EYS: variants seen among roughly 807,000 people sequenced by gnomAD.
The protein encoded by EYS is protein eyes shut homolog.
In EYS, 250 loss-of-function variants were observed where a neutral mutation model predicts 282.1. The observed-to-expected ratio is 0.89, with a 90% CI of 0.80 to 0.98. EYS has a LOEUF of 0.98. EYS is among the 50% of genes least tolerant of loss of function. The pLI, the probability that EYS is intolerant of heterozygous loss-of-function variation, is 0.00. For missense variants in EYS, 4,016 were observed against 3,709.0 expected (o/e 1.08, Z -2.15); for synonymous variants, 1,355 against 1,282.9 (o/e 1.06, Z -1.20).
rs1170521985 is a variant in EYS, at chr6:65,311,175, G to A, written c.1767-15056C>T. 2.6e-5 allele frequency among the ~76,000 whole-genome samples: 4 copies of A among 152,278 alleles called. No individual in the cohort carries two copies. In the East Asian group the frequency reaches 7.7e-4, roughly 29 times the overall value. ...ATATCTATAAATACTTAAAAAGTATGAAGTACTACAATATTAATATTCTTA... is the reference window on the plus strand; with the variant it reads ...ATATCTATAAATACTTAAAAAGTATAAAGTACTACAATATTAATATTCTTA... On this transcript the variant is annotated intron_variant, in intron 11 of 42. Coordinates refer to ENST00000503581, the MANE Select transcript of EYS (RefSeq NM_001142800.2).
chr6:64,375,699 G>A (rs1433362842), intron 29 of EYS, among the ~76,000 whole-genome samples: 1 of 152,160 alleles, frequency 6.6e-6, no homozygotes. Context: ...AGAATGAGGA[G>A]TAAAGAAGAG....
At chr6:64,030,470 TGCCGAG>T (rs1769768357) in intron 33 of EYS, among the ~76,000 whole-genome samples, 1 of 152,184 alleles carries the variant, frequency 6.6e-6, no homozygotes, top group Admixed American at 6.5e-5. Flanking sequence ...TCTCCAAAAC[TGCCGAG>T]GACTAGACCT....
chr6:65,126,952 A>C (rs1348320902), intron 12 of EYS, among the ~76,000 whole-genome samples: 1 of 152,086 alleles, frequency 6.6e-6, no homozygotes, highest in Non-Finnish European at 1.5e-5. Flanking sequence ...AAGAGTGTGA[A>C]TTGTGATCCA....
At position 64,705,701 on chromosome 6, in the gene EYS, G is replaced by A. The variant is rs565896398; in HGVS notation, c.3444-79456C>T. Among the ~76,000 whole-genome samples, 50 of 151,070 alleles carry A rather than the reference G, an allele frequency of 3.3e-4. 1 individual carries two copies. In the South Asian group the frequency reaches 4.4e-3, roughly 13 times the overall value. ...AGGGACATGGATGAAATTGGAAATC[G>A]TCATTCTCAGTAAACTATCGCAAGA... On this transcript the variant is annotated intron_variant, in intron 22 of 42. Transcript: ENST00000503581.
At chr6:65,561,853 AGTT>A (rs1424815433) in intron 2 of EYS, among the ~76,000 whole-genome samples, 1 of 151,798 alleles carries the variant, frequency 6.6e-6, no homozygotes, top group Non-Finnish European at 1.5e-5. Context: ...AATATTATTT[AGTT>A]AATATTAATA....
chr6:64,624,569 C>A (rs1767544021), intron 23 of EYS, among the ~76,000 whole-genome samples: 1 of 152,078 alleles, frequency 6.6e-6, no homozygotes, highest in Admixed American at 6.6e-5. Context: ...GTACGGCTGG[C>A]TATTTCAAAA....
chr6:64,096,068 T>C (rs569539306), intron 31 of EYS, among the ~76,000 whole-genome samples: 1 of 152,356 alleles, frequency 6.6e-6, no homozygotes, highest in South Asian at 2.1e-4. Flanking sequence ...TTAAGAATGT[T>C]GAATATTGGC....
At chr6:63,792,764 G>A (rs1582212373) in intron 37 of EYS, among the ~76,000 whole-genome samples, 1 of 151,914 alleles carries the variant, frequency 6.6e-6, no homozygotes, top group Admixed American at 6.6e-5. Context: ...GCCAAGGCAT[G>A]AAACTTGTGC....
intron 30 of EYS, among the ~76,000 whole-genome samples, chr6:64,283,078 A>G (rs1160398415): frequency 6.6e-6 from 1 of 152,166 alleles, no homozygotes; most frequent in Non-Finnish European, 1.5e-5. Flanking sequence ...TACATCTTCC[A>G]TGTCCACTTC....
At chr6:64,142,979 T>A (rs1022353024) in intron 31 of EYS, among the ~76,000 whole-genome samples, 13 of 152,146 alleles carry the variant, frequency 8.5e-5, no homozygotes, top group African/African-American at 2.7e-4. Context: ...ATCCAAACAA[T>A]GAATATTATT....
intron 2 of EYS, among the ~76,000 whole-genome samples, chr6:65,580,992 T>G (rs1050078629): frequency 6.6e-6 from 1 of 152,140 alleles, no homozygotes; most frequent in Admixed American, 6.5e-5. Flanking sequence ...TTTTAATCTA[T>G]TCAATTGCAA....
chr6:64,079,168 C>G (rs1771872725), intron 32 of EYS, among the ~76,000 whole-genome samples: 1 of 152,012 alleles, frequency 6.6e-6, no homozygotes, highest in South Asian at 2.1e-4. Flanking sequence ...TCTACCAGCA[C>G]TTAGATTTTG....
At chr6:64,330,726 C>T (rs796164378) in intron 29 of EYS, among the ~76,000 whole-genome samples, 2 of 152,264 alleles carry the variant, frequency 1.3e-5, no homozygotes, top group African/African-American at 4.8e-5. Context: ...TTGCGTGCCC[C>T]ACATGGTCAT....
chr6:65,539,740 T>G (rs547114392), intron 2 of EYS, among the ~76,000 whole-genome samples: 15 of 152,194 alleles, frequency 9.9e-5, no homozygotes, highest in Non-Finnish European at 1.6e-4. Context: ...CTTTAAAAAA[T>G]TTAGATGAAA....
At chr6:64,127,330 A>G (rs1773818842) in intron 31 of EYS, among the ~76,000 whole-genome samples, 1 of 152,182 alleles carries the variant, frequency 6.6e-6, no homozygotes, top group African/African-American at 2.4e-5. Context: ...AGTAACTGCT[A>G]TACAATAGCT....
chr6:65,106,950 C>A (rs1255623892), intron 12 of EYS, among the ~76,000 whole-genome samples: 1 of 151,980 alleles, frequency 6.6e-6, no homozygotes. Flanking sequence ...TATTATTTAT[C>A]CTCACAGCAA....
chr6:63,836,013 G>T (rs968793672), intron 36 of EYS, among the ~76,000 whole-genome samples: 1 of 151,982 alleles, frequency 6.6e-6, no homozygotes, highest in African/African-American at 2.4e-5. Context: ...TTATTGGGCT[G>T]TTATGAATAA....
At chr6:64,762,309 A>T (rs1773184913) in intron 22 of EYS, among the ~76,000 whole-genome samples, 1 of 152,240 alleles carries the variant, frequency 6.6e-6, no homozygotes, top group Non-Finnish European at 1.5e-5. Flanking sequence ...GCAGAAGGCA[A>T]AAGCTAACTA....
At chr6:64,207,991 T>C (rs1765659773) in intron 31 of EYS, among the ~76,000 whole-genome samples, 1 of 152,220 alleles carries the variant, frequency 6.6e-6, no homozygotes, top group Admixed American at 6.5e-5. Flanking sequence ...ATTGTTTATA[T>C]AGCTGATGCA....
Sources: gnomAD v4.1 joint callset for allele counts (sites outside exome capture counted in the v4.1 genomes callset) on GRCh38, gnomAD v4.1.1 for gene constraint, MANE v1.5 for transcripts, NCBI Gene and HGNC (gene_info 2026-07-23, HGNC 2026-07-21) for gene names.